The following HMGA1 variants were observed in gnomAD, a reference collection of about 807,000 sequenced individuals.
HMGA1 encodes the protein high mobility group protein HMG-I/HMG-Y.
HMGA1 carries 1 observed loss-of-function variant against 15.1 expected under a neutral mutation model. The observed-to-expected ratio is 0.07, with a 90% CI of 0.02 to 0.31. HMGA1 has a LOEUF of 0.31. Among genes scored for constraint, HMGA1 ranks in the 10% least tolerant of loss-of-function variants. The pLI is 1.00. For synonymous variants in HMGA1, 56 were observed against 54.8 expected (o/e 1.02, Z -0.10); for missense variants, 94 against 141.4 (o/e 0.66, Z 1.70).
chr6:34,246,113 G>A lies in HMGA1; in HGVS notation c.*1229G>A, dbSNP rs1196988716. 1 of 243,208 alleles carries A rather than the reference G, an allele frequency of 4.1e-6. No homozygotes were observed. The highest frequency in any genetic ancestry group is 6.3e-5 in the East Asian group (1 of 15,884). 15.1% of individuals were successfully genotyped at this position (243,208 alleles called of 1,614,324 possible). On this transcript the variant is annotated 3_prime_UTR_variant, in exon 6 of 6. Transcript: ENST00000311487. ...CCCAAATCGACCATAAAGGGTGTAG[G>A]GGCCACCTCCTCCCCCTGTTCTGTT...
At chr6:34,237,496 C>CGGGGCCCGGCGGCGCGGGGAG (rs1178436358) in intron 2 of HMGA1, among the ~76,000 whole-genome samples, 179 bp downstream of exon 2, 1 of 143,788 alleles carries the variant, frequency 7.0e-6, no homozygotes, top group East Asian at 2.1e-4. Flanking sequence ...GGGCGGGCGG[C>CGGGGCCCGGCGGCGCGGGGAG]GGGGCCCGGC....
At chr6:34,237,364 C>T (rs1415432755) in intron 2 of HMGA1, 47 bp downstream of exon 2, 2 of 145,470 alleles carry the variant, frequency 1.4e-5, no homozygotes, top group Non-Finnish European at 3.1e-5. Context: ...AGGGGGGCGC[C>T]CGCGCCCCCG....
At chr6:34,238,328 C>T (rs934728918) in intron 2 of HMGA1, among the ~76,000 whole-genome samples, 3 of 152,196 alleles carry the variant, frequency 2.0e-5, no homozygotes, top group African/African-American at 7.2e-5. Flanking sequence ...GCAGAGTCAC[C>T]CTCGGGCCGG....
At position 34,245,690 on chromosome 6, in the gene HMGA1, C is replaced by G. The variant is rs1581819365; in HGVS notation, c.*806C>G. 9.4e-7 allele frequency: 1 copy of G among 1,067,046 alleles called. No homozygotes were observed. Among genetic ancestry groups the G allele is most frequent in the Admixed American group, 2.9e-5 (1 of 34,928 alleles). 66.1% of individuals were successfully genotyped at this position (1,067,046 alleles called of 1,614,324 possible). Reference sequence around the variant, plus strand: ...CGCCACCTGAGGTGGGCTGGGGCTGCTCCCCTAACCCTACTTTGCTTCCGC... The same window carrying G: ...CGCCACCTGAGGTGGGCTGGGGCTGGTCCCCTAACCCTACTTTGCTTCCGC... On this transcript the variant is annotated 3_prime_UTR_variant, in exon 6 of 6. Transcript: ENST00000311487.
Position 34,245,581 on chromosome 6 carries a change from C to T in HMGA1, c.*697C>T. Reference sequence around the variant, plus strand: ...CTTCACTGTGGCCACAGCCCCCTTGCCCTCCGCCTGGGATCTGAGTACATA... The same window carrying T: ...CTTCACTGTGGCCACAGCCCCCTTGTCCTCCGCCTGGGATCTGAGTACATA... On this transcript the variant is annotated 3_prime_UTR_variant, in exon 6 of 6. Transcript: ENST00000311487. 4 of 1,380,818 alleles carry T rather than the reference C, an allele frequency of 2.9e-6. No homozygotes were observed. Among genetic ancestry groups the T allele is most frequent in the South Asian group, 1.2e-5 (1 of 81,354 alleles). The allele number at this position is 1,380,818 out of a possible 1,614,324, so 85.5% of individuals were successfully genotyped here.
chr6:34,245,067 G>C lies in HMGA1; in HGVS notation c.*183G>C. 6.5e-7 allele frequency: 1 copy of C among 1,531,452 alleles called. No individual in the cohort carries two copies. The highest frequency in any genetic ancestry group is 8.8e-7 in the Non-Finnish European group (1 of 1,139,520). The allele number at this position is 1,531,452 out of a possible 1,614,324, so 94.9% of individuals were successfully genotyped here. On this transcript the variant is annotated 3_prime_UTR_variant, in exon 6 of 6. Coordinates refer to ENST00000311487, the MANE Select transcript of HMGA1 (RefSeq NM_145899.3). ...CTACACAGCACACCAGCCGCTGCAGGGCTCCCATGGGCTGAGTGGGGAGCA... is the reference window on the plus strand; with the variant it reads ...CTACACAGCACACCAGCCGCTGCAGCGCTCCCATGGGCTGAGTGGGGAGCA...
At chr6:34,240,550 C>T in intron 2 of HMGA1, 187 bp from the exon 3 acceptor site, 1 of 556,236 alleles carries the variant, frequency 1.8e-6, no homozygotes, top group Non-Finnish European at 3.2e-6. Context: ...TGATTAGGGC[C>T]AACGGCCCTT....
chr6:34,245,078 G>A lies in HMGA1; in HGVS notation c.*194G>A. ...ACCAGCCGCTGCAGGGCTCCCATGG[G>A]CTGAGTGGGGAGCAGTTTTCCCCTG... is the stretch of plus-strand genomic sequence containing the variant. On this transcript the variant is annotated 3_prime_UTR_variant, in exon 6 of 6. Transcript: ENST00000311487. The A allele has an allele frequency of 1.3e-6, 2 of 1,527,624 alleles. No homozygotes were observed. The highest frequency in any genetic ancestry group is 2.5e-5 in the East Asian group (1 of 40,160). The allele number at this position is 1,527,624 out of a possible 1,614,324, so 94.6% of individuals were successfully genotyped here. A position where few individuals can be genotyped will look rare whatever the true frequency, so the allele number is the denominator to read the frequency against.
At chr6:34,244,036 C>T (rs371404970) in intron 5 of HMGA1, among the ~76,000 whole-genome samples, 7 of 152,046 alleles carry the variant, frequency 4.6e-5, no homozygotes, top group African/African-American at 1.7e-4. Flanking sequence ...GCTCGGTGGG[C>T]TGAGTCAAGA....
chr6:34,237,551 C>T (rs1167357699), intron 2 of HMGA1, among the ~76,000 whole-genome samples: 3 of 145,142 alleles, frequency 2.1e-5, no homozygotes, highest in Admixed American at 6.8e-5. Context: ...GCCGCGGGCG[C>T]CCTGCGGGGG....
chr6:34,244,182 T>G (rs1581810999), intron 5 of HMGA1, among the ~76,000 whole-genome samples: 5 of 142,670 alleles, frequency 3.5e-5, no homozygotes, highest in South Asian at 2.5e-4. Flanking sequence ...GGTGGGGGGG[T>G]TAGGGGGTGC....
intron 2 of HMGA1, among the ~76,000 whole-genome samples, chr6:34,238,615 G>A (rs1296899516): frequency 1.3e-5 from 2 of 152,208 alleles, no homozygotes; most frequent in African/African-American, 2.4e-5. Flanking sequence ...ACAGGCTTGA[G>A]GCCCAAGCGG....
chr6:34,241,172 C>T (rs1055202567), intron 3 of HMGA1, among the ~76,000 whole-genome samples: 7 of 152,276 alleles, frequency 4.6e-5, no homozygotes, highest in East Asian at 1.9e-4. Flanking sequence ...ACAGTCCAAA[C>T]CTAAAGCACC....
chr6:34,244,256 G>A (rs1005872711), intron 5 of HMGA1, among the ~76,000 whole-genome samples: 6 of 152,084 alleles, frequency 3.9e-5, no homozygotes, highest in Middle Eastern at 6.3e-3. Flanking sequence ...TGCCTGGCAC[G>A]GGGGCTGTAG....
At chr6:34,241,718 G>A (rs1762325478) in intron 3 of HMGA1, among the ~76,000 whole-genome samples, 1 of 152,230 alleles carries the variant, frequency 6.6e-6, no homozygotes, top group Non-Finnish European at 1.5e-5. Context: ...GGCTGTTGGT[G>A]AAGCCCAGTT....
intron 2 of HMGA1, among the ~76,000 whole-genome samples, chr6:34,239,203 C>T (rs1176443769): frequency 6.6e-6 from 1 of 152,082 alleles, no homozygotes; most frequent in East Asian, 1.9e-4. Flanking sequence ...GTCCTGGGCC[C>T]TCTAGAAATC....
At chr6:34,238,660 T>TA (rs1254172057) in intron 2 of HMGA1, 1 of 152,264 alleles carries the variant, frequency 6.6e-6, no homozygotes, top group Non-Finnish European at 1.5e-5. Context: ...GGTTAGGCCC[T>TA]AAATGTAGTT....
chr6:34,243,002 C>T (rs1017130479), intron 4 of HMGA1, among the ~76,000 whole-genome samples: 8 of 151,996 alleles, frequency 5.3e-5, no homozygotes, highest in Non-Finnish European at 1.2e-4. Context: ...GGGGGTTGGT[C>T]CTGCCCAGGA....
intron 2 of HMGA1, chr6:34,239,079 G>A (rs1411076133): frequency 2.0e-5 from 3 of 152,178 alleles, no homozygotes; most frequent in Non-Finnish European, 4.4e-5. Flanking sequence ...TGACGGAGCA[G>A]GATAAATCAC....
Sources: gnomAD v4.1 joint callset for allele counts (sites outside exome capture counted in the v4.1 genomes callset) on GRCh38, gnomAD v4.1.1 for gene constraint, MANE v1.5 for transcripts, NCBI Gene and HGNC (gene_info 2026-07-23, HGNC 2026-07-21) for gene names.